Variants in ANKRD13B observed in about 807,000 individuals in gnomAD.
ANKRD13B encodes the protein ankyrin repeat domain 13B, also known as ankyrin repeat domain-containing protein 13B.
ANKRD13B carries 33 observed loss-of-function variants against 74.4 expected under a neutral mutation model. That is an observed-to-expected ratio of 0.44 (90% confidence interval 0.34 to 0.59). ANKRD13B has a LOEUF of 0.59. ANKRD13B is among the 20% of genes least tolerant of loss of function. The pLI, the probability that ANKRD13B is intolerant of heterozygous loss-of-function variation, is 0.02. For missense variants in ANKRD13B, 676 were observed against 877.9 expected (o/e 0.77, Z 2.91); for synonymous variants, 341 against 362.9 (o/e 0.94, Z 0.68).
Position 29,612,955 on chromosome 17 carries a change from A to G in ANKRD13B, c.1644A>G (p.Arg548=). 2 of 1,597,628 alleles carry G rather than the reference A, an allele frequency of 1.3e-6. No homozygotes were observed. The highest frequency in any genetic ancestry group is 2.7e-5 in the African/African-American group (2 of 74,994). Residue 548 remains arginine, a synonymous_variant, in exon 14 of 15, where the codon CGA becomes CGG. Transcript: ENST00000394859. The surrounding 1 kb of genome is among the most constrained non-coding windows in gnomAD (Gnocchi z 6.1). ...GTHPMSYEGR[R]QDRSAPPTPQ... ...ACCCCATGTCCTACGAGGGTCGCCGACAGGACAGGTCAGTGCCCGCTGGGC... is the reference window on the plus strand; with the variant it reads ...ACCCCATGTCCTACGAGGGTCGCCGGCAGGACAGGTCAGTGCCCGCTGGGC...
rs1181827495 is a variant in ANKRD13B at position 29,604,439 on chromosome 17, GCTCAAGTGATCTGCCTGCCTCAGC to G, written c.115-3299_115-3276del. Among the ~76,000 whole-genome samples, 7 of 151,672 alleles carry G rather than the reference GCTCAAGTGATCTGCCTGCCTCAGC, an allele frequency of 4.6e-5. No homozygotes were observed. The East Asian group carries it at 9.7e-4, about 21-fold the overall frequency. On this transcript the variant is annotated intron_variant, in intron 1 of 14. Transcript: ENST00000394859. Reference sequence around the variant, plus strand: ...GCCCAGGCTGGTCTTGAACTCCTAGGCTCAAGTGATCTGCCTGCCTCAGCCTCCCAAAGTGCTGGGATTAGAGGT... The same window carrying G: ...GCCCAGGCTGGTCTTGAACTCCTAGGCTCCCAAAGTGCTGGGATTAGAGGT...
intron 1 of ANKRD13B, among the ~76,000 whole-genome samples, chr17:29,604,680 T>C (rs1775233144): frequency 6.6e-6 from 1 of 152,008 alleles, no homozygotes; most frequent in Admixed American, 6.6e-5. Flanking sequence ...TAGCTGGGAT[T>C]ACAGGCACCC....
rs1051834848 is a variant in ANKRD13B at position 29,613,785 on chromosome 17, A to C, written c.*203A>C. ...TTCCCAGGCCAGGGCCCTGGAGGCA[A>C]CTGGCACGGCCTGGTCCCCCTGCTT... On this transcript the variant is annotated 3_prime_UTR_variant, in exon 15 of 15. Coordinates refer to ENST00000394859, the MANE Select transcript of ANKRD13B (RefSeq NM_152345.5). 1.3e-6 allele frequency: 1 copy of C among 774,254 alleles called. No individual in the cohort carries two copies. Among genetic ancestry groups the C allele is most frequent in the Admixed American group, 4.1e-5 (1 of 24,552 alleles). The allele number at this position is 774,254 out of a possible 1,614,324, so 48.0% of individuals were successfully genotyped here. A position where few individuals can be genotyped will look rare whatever the true frequency, so the allele number is the denominator to read the frequency against.
At chr17:29,598,836 C>A (rs1335930637) in intron 1 of ANKRD13B, among the ~76,000 whole-genome samples, 1 of 152,154 alleles carries the variant, frequency 6.6e-6, no homozygotes, top group African/African-American at 2.4e-5. Context: ...CAGACGTGAG[C>A]CCCCCGGCAT....
At chr17:29,603,930 T>G (rs1327098515) in intron 1 of ANKRD13B, among the ~76,000 whole-genome samples, 2 of 149,378 alleles carry the variant, frequency 1.3e-5, no homozygotes, top group Non-Finnish European at 3.0e-5. Flanking sequence ...CAGGCTGGAG[T>G]GCAGGGGCGC....
In ANKRD13B at chr17:29,612,994, C is replaced by T. The variant is rs1255172966; in HGVS notation, c.1652+31C>T. Reference sequence around the variant, plus strand: ...TGCCCGCTGGGCCGGAGAGAATCCTCCGGAGAGGATCCTGTCTCCCCTAAG... The same window carrying T: ...TGCCCGCTGGGCCGGAGAGAATCCTTCGGAGAGGATCCTGTCTCCCCTAAG... On this transcript the variant is annotated intron_variant, in intron 14 of 14. Transcript: ENST00000394859. This position sits in a 1 kb window ranked among gnomAD's most constrained non-coding sequence, Gnocchi z 6.1. 2 of 1,585,340 alleles carry T rather than the reference C, an allele frequency of 1.3e-6. No homozygotes were observed. Among genetic ancestry groups the T allele is most frequent in the South Asian group, 2.2e-5 (2 of 89,204 alleles).
At position 29,605,472 on chromosome 17, in the gene ANKRD13B, G is replaced by GTA. The variant is rs199606091; in HGVS notation, c.115-2260_115-2259dup. Among the ~76,000 whole-genome samples, 1,455 of 151,386 alleles carry GTA rather than the reference G, an allele frequency of 9.6e-3. 21 individuals carry two copies. The highest frequency in any genetic ancestry group is 0.034 in the African/African-American group (1,405 of 41,212). On this transcript the variant is annotated intron_variant, in intron 1 of 14. Transcript: ENST00000394859. ...TATATATATACACACACACGCATATGTATATATATATTTGAGACAGCGTCT... is the reference window on the plus strand; with the variant it reads ...TATATATATACACACACACGCATATGTATATATATATATTTGAGACAGCGTCT...
intron 1 of ANKRD13B, among the ~76,000 whole-genome samples, chr17:29,598,037 G>A (rs1261721933): frequency 1.3e-5 from 2 of 151,078 alleles, no homozygotes; most frequent in African/African-American, 4.9e-5. Flanking sequence ...GGATTGCTCA[G>A]CACTTCCCCA....
intron 1 of ANKRD13B, among the ~76,000 whole-genome samples, chr17:29,598,444 C>G (rs989187775): frequency 1.3e-5 from 2 of 152,100 alleles, no homozygotes; most frequent in African/African-American, 4.8e-5. Flanking sequence ...TGTCATTTAC[C>G]TCCCTAATTA....
chr17:29,605,718 C>T (rs1472023546), intron 1 of ANKRD13B, among the ~76,000 whole-genome samples: 4 of 152,180 alleles, frequency 2.6e-5, no homozygotes, highest in African/African-American at 9.7e-5. Flanking sequence ...ATCCGCCAAC[C>T]TTTGCCTCCC....
intron 1 of ANKRD13B, among the ~76,000 whole-genome samples, chr17:29,600,470 C>T (rs138222022): frequency 2.0e-5 from 3 of 152,292 alleles, no homozygotes; most frequent in East Asian, 3.9e-4. Flanking sequence ...TGGGGTTTCA[C>T]GGATCACTGG....
At chr17:29,595,534 G>C (rs1291245242) in intron 1 of ANKRD13B, among the ~76,000 whole-genome samples, 8 of 152,266 alleles carry the variant, frequency 5.3e-5, no homozygotes, top group Admixed American at 5.2e-4. Flanking sequence ...TGATAATCCT[G>C]AAGTGGGTGG....
At chr17:29,604,020 C>T (rs537000406) in intron 1 of ANKRD13B, among the ~76,000 whole-genome samples, 72 of 151,418 alleles carry the variant, frequency 4.8e-4, no homozygotes, top group South Asian at 3.8e-3. Flanking sequence ...GGATTACAGG[C>T]TCACGTGAGC....
chr17:29,611,972 G>A lies in ANKRD13B; in HGVS notation c.1066G>A (p.Gly356Ser), dbSNP rs1395624287. Residue 356 changes from glycine (G) to serine (S), a missense_variant, in exon 10 of 15, where the codon GGC becomes AGC. Physicochemically the swap from Gly to Ser is moderately conservative, Grantham distance 56 (BLOSUM62 0). This residue lies in a region of ANKRD13B where 328 missense variants were observed against 518.4 expected (regional missense o/e 0.63). Transcript: ENST00000394859. The surrounding 1 kb of genome is among the most constrained non-coding windows in gnomAD (Gnocchi z 4.3). ...CTTTGAGCTGGGCAACCGTGATATG[G>A]GCCGCCCCATGGAACTGACCACCAA... ...PNFELGNRDMGRPMELTTKTQ... is the reference protein window; with the variant it reads ...PNFELGNRDMSRPMELTTKTQ... 2.5e-6 allele frequency: 4 copies of A among 1,614,014 alleles called. No individual in the cohort carries two copies. Among genetic ancestry groups the A allele is most frequent in the Non-Finnish European group, 3.4e-6 (4 of 1,179,946 alleles).
chr17:29,595,571 G>T (rs1486312216), intron 1 of ANKRD13B, among the ~76,000 whole-genome samples: 2 of 152,094 alleles, frequency 1.3e-5, no homozygotes, highest in South Asian at 2.1e-4. Context: ...AGGTTGGGGT[G>T]GGGGGCACCG....
At position 29,609,474 on chromosome 17, in the gene ANKRD13B, G is replaced by C. The variant is rs1156749211; in HGVS notation, c.822+53G>C. 6.2e-7 allele frequency: 1 copy of C among 1,600,036 alleles called. No individual in the cohort carries two copies. The highest frequency in any genetic ancestry group is 8.5e-7 in the Non-Finnish European group (1 of 1,171,050). ...CCAGCTGCACTCTTGCCTACAGCAA[G>C]CTGTACAGGGGATTCTGACCTCCCT... On this transcript the variant is annotated intron_variant, in intron 7 of 14. Transcript: ENST00000394859. This position sits in a 1 kb window ranked among gnomAD's most constrained non-coding sequence, Gnocchi z 4.0.
chr17:29,612,434 A>G lies in ANKRD13B; in HGVS notation c.1291A>G (p.Ile431Val). The change falls in exon 12 of 15, where the codon ATC (isoleucine) becomes GTC (valine). Residue 431 changes from isoleucine (I) to valine (V), a missense_variant. Coordinates refer to ENST00000394859, the MANE Select transcript of ANKRD13B (RefSeq NM_152345.5). The surrounding 1 kb of genome is among the most constrained non-coding windows in gnomAD (Gnocchi z 6.1). ...IPIFHILNAR[I>V]TFGNLNGCDE... is the part of the protein sequence containing the mutation. ...GATCTTCCACATCCTCAACGCCCGC[A>G]TCACCTTCGGGAACCTCAACGGCTG... 1 of 1,611,060 alleles carries G rather than the reference A, an allele frequency of 6.2e-7. No individual in the cohort carries two copies. Among genetic ancestry groups the G allele is most frequent in the Non-Finnish European group, 8.5e-7 (1 of 1,178,726 alleles).
Position 29,593,755 on chromosome 17 carries a change from G to C in ANKRD13B, c.114+20G>C, listed in dbSNP as rs1398929488. 2.2e-6 allele frequency: 3 copies of C among 1,358,876 alleles called. No individual in the cohort carries two copies. The highest frequency in any genetic ancestry group is 2.9e-6 in the Non-Finnish European group (3 of 1,045,678). The allele number at this position is 1,358,876 out of a possible 1,614,324, so 84.2% of individuals were successfully genotyped here. On this transcript the variant is annotated intron_variant, in intron 1 of 14. Transcript: ENST00000394859. ...GGCCAGGTAGGAGCGCCTTCGGGGC[G>C]CCGCGGGGACCCCGCGGCCGGGCAC... is the stretch of plus-strand genomic sequence containing the variant.
Position 29,608,157 on chromosome 17 carries a change from C to T in ANKRD13B, c.376-38C>T. On this transcript the variant is annotated intron_variant, in intron 3 of 14. Coordinates refer to ENST00000394859, the MANE Select transcript of ANKRD13B (RefSeq NM_152345.5). This position sits in a 1 kb window ranked among gnomAD's most constrained non-coding sequence, Gnocchi z 6.4. The stretch of plus-strand genomic sequence containing the variant: ...TCCACGGGAGCCCTTGAGCCCTTCT[C>T]CAGTGCAGACTTAGCCTCTCTCCCC... 1 of 1,614,188 alleles carries T rather than the reference C, an allele frequency of 6.2e-7. No homozygotes were observed. The highest frequency in any genetic ancestry group is 8.5e-7 in the Non-Finnish European group (1 of 1,179,998).
Sources: gnomAD v4.1 joint callset for allele counts (sites outside exome capture counted in the v4.1 genomes callset) on GRCh38, gnomAD v4.1.1 for gene constraint, gnomAD v4.1.1 regional missense constraint, Gnocchi (gnomAD v3.1) non-coding constraint, MANE v1.5 for transcripts, NCBI Gene and HGNC (gene_info 2026-07-23, HGNC 2026-07-21) for gene names.